Variants in PRKG1 observed in about 807,000 individuals in gnomAD.
PRKG1 encodes the protein cGMP-dependent protein kinase 1.
In PRKG1, 35 loss-of-function variants were observed where a neutral mutation model predicts 88.1. That is an observed-to-expected ratio of 0.40 (90% CI 0.30 to 0.53). The LOEUF is 0.53. PRKG1 is among the 20% of genes least tolerant of loss of function. The probability of loss-of-function intolerance (pLI) is 0.59; values close to 1 mark genes in which losing one functional copy is unlikely to be tolerated. For missense variants in PRKG1, 540 were observed against 839.8 expected, an observed-to-expected ratio of 0.64 and a Z score of 4.41; for synonymous variants, 303 against 292.5, an observed-to-expected ratio of 1.04 and a Z score of -0.37.
intron 2 of PRKG1, among the ~76,000 whole-genome samples, chr10:51,279,983 G>A (rs1163418327): frequency 2.0e-5 from 3 of 152,168 alleles, no homozygotes; most frequent in African/African-American, 7.2e-5. Context: ...GGCCTTTACA[G>A]TTTGGCATGC....
intron 9 of PRKG1, among the ~76,000 whole-genome samples, chr10:52,228,848 A>C (rs1840458060): frequency 6.6e-6 from 1 of 152,196 alleles, no homozygotes; most frequent in Non-Finnish European, 1.5e-5. Flanking sequence ...GGTGGTTGAT[A>C]ATATTTGCTG....
At chr10:52,059,601 G>C (rs905594322) in intron 6 of PRKG1, among the ~76,000 whole-genome samples, 1 of 151,862 alleles carries the variant, frequency 6.6e-6, no homozygotes, top group Non-Finnish European at 1.5e-5. Context: ...GTTTGATGCA[G>C]AACAGACTAT....
chr10:51,802,113 T>G (rs961422992), intron 3 of PRKG1, among the ~76,000 whole-genome samples: 5 of 152,138 alleles, frequency 3.3e-5, no homozygotes, highest in African/African-American at 1.2e-4. Flanking sequence ...GCAATAGATT[T>G]ACACTCCAGC....
At chr10:51,742,146 G>A (rs1224450388) in intron 3 of PRKG1, among the ~76,000 whole-genome samples, 2 of 152,120 alleles carry the variant, frequency 1.3e-5, no homozygotes, top group African/African-American at 4.8e-5. Flanking sequence ...TAACCATCTG[G>A]GAAAGAGGCT....
chr10:52,137,952 A>C (rs1416918034), intron 8 of PRKG1, among the ~76,000 whole-genome samples: 1 of 152,090 alleles, frequency 6.6e-6, no homozygotes, highest in African/African-American at 2.4e-5. Context: ...GATCATTTTG[A>C]CAATTGTTCA....
At chr10:51,742,217 T>C (rs1589249907) in intron 3 of PRKG1, among the ~76,000 whole-genome samples, 1 of 152,202 alleles carries the variant, frequency 6.6e-6, no homozygotes, top group Non-Finnish European at 1.5e-5. Flanking sequence ...CATGAGTTAG[T>C]GCAAGAGGGT....
intron 11 of PRKG1, 29 bp downstream of exon 11, chr10:52,271,518 A>G (rs772012642): frequency 1.2e-6 from 2 of 1,600,068 alleles, no homozygotes; most frequent in Middle Eastern, 3.5e-4. Context: ...GGACAGACGT[A>G]CCCAACTCCA....
chr10:51,418,130 G>A (rs953257507), intron 2 of PRKG1, among the ~76,000 whole-genome samples: 1 of 152,182 alleles, frequency 6.6e-6, no homozygotes, highest in Admixed American at 6.6e-5. Context: ...ACAGGAGAAA[G>A]CTCAATTAAT....
intron 2 of PRKG1, among the ~76,000 whole-genome samples, chr10:51,389,635 A>T (rs1001982706): frequency 2.0e-5 from 3 of 152,166 alleles, no homozygotes; most frequent in African/African-American, 7.2e-5. Context: ...CCTTATTCTC[A>T]GTAACTTCTT....
intron 8 of PRKG1, among the ~76,000 whole-genome samples, chr10:52,140,781 C>T (rs1837558157): frequency 6.7e-6 from 1 of 149,964 alleles, no homozygotes; most frequent in Non-Finnish European, 1.5e-5. Context: ...AGATCACCAA[C>T]TAGGTCAGTC....
chr10:51,405,333 C>CT (rs1837879431), intron 2 of PRKG1, among the ~76,000 whole-genome samples: 2 of 152,162 alleles, frequency 1.3e-5, no homozygotes, highest in African/African-American at 2.4e-5. Flanking sequence ...TACATGAGGC[C>CT]TTTTCTTCCT....
chr10:51,604,416 T>C (rs951414332), intron 3 of PRKG1, among the ~76,000 whole-genome samples: 2 of 152,218 alleles, frequency 1.3e-5, no homozygotes, highest in Admixed American at 1.3e-4. Context: ...ATCCCATGTA[T>C]TACAATAAAT....
At chr10:52,214,509 G>A (rs12256137) in intron 9 of PRKG1, among the ~76,000 whole-genome samples, 24,058 of 152,108 alleles carry the variant, frequency 0.16, 2,478 homozygotes, top group African/African-American at 0.28. Flanking sequence ...ACTTTGGAGC[G>A]AGATTGAGAG....
At chr10:51,200,213 G>A (rs959290921) in intron 2 of PRKG1, among the ~76,000 whole-genome samples, 1 of 152,186 alleles carries the variant, frequency 6.6e-6, no homozygotes, top group Non-Finnish European at 1.5e-5. Context: ...CTAGTTCTGG[G>A]AATAGTTAAG....
chr10:52,164,385 T>TAAATAAAC (rs1838373498), intron 9 of PRKG1, among the ~76,000 whole-genome samples: 1 of 151,210 alleles, frequency 6.6e-6, no homozygotes, highest in Non-Finnish European at 1.5e-5. Flanking sequence ...AATAAATAAA[T>TAAATAAAC]AAATAAAGTA....
intron 1 of PRKG1, among the ~76,000 whole-genome samples, chr10:51,117,443 C>A (rs1347294426): frequency 6.6e-6 from 1 of 152,180 alleles, no homozygotes; most frequent in Non-Finnish European, 1.5e-5. Context: ...AAGCAAATGG[C>A]CTAATGAGTA....
chr10:51,169,417 G>T (rs1299816412), intron 2 of PRKG1, among the ~76,000 whole-genome samples: 1 of 151,976 alleles, frequency 6.6e-6, no homozygotes, highest in African/African-American at 2.4e-5. Flanking sequence ...TAGTACCTTT[G>T]CTTGTTTTTG....
chr10:51,172,820 A>C (rs1205541792), intron 2 of PRKG1, among the ~76,000 whole-genome samples: 4 of 152,066 alleles, frequency 2.6e-5, no homozygotes, highest in African/African-American at 9.7e-5. Flanking sequence ...TCAAATATAC[A>C]TTCTTAATTT....
intron 1 of PRKG1, among the ~76,000 whole-genome samples, chr10:51,128,679 T>G (rs1845491779): frequency 6.6e-6 from 1 of 152,172 alleles, no homozygotes; most frequent in Admixed American, 6.5e-5. Flanking sequence ...ATAAAGAGCC[T>G]TTTGTAGAAT....
Sources: allele counts gnomAD v4.1 joint callset (sites outside exome capture counted in the v4.1 genomes callset), GRCh38; gene constraint gnomAD v4.1.1; transcripts MANE v1.5; gene names NCBI Gene and HGNC (gene_info 2026-07-23, HGNC 2026-07-21).